The following SLC16A10 variants were observed in gnomAD, a reference collection of about 807,000 sequenced individuals.
SLC16A10 encodes the protein monocarboxylate transporter 10.
A neutral mutation model predicts 40.0 loss-of-function variants in SLC16A10; 27 were observed. The ratio of observed to expected loss-of-function variants is 0.67; its 90% CI spans 0.50 to 0.93. SLC16A10 has a LOEUF of 0.93. SLC16A10 is among the 40% of genes least tolerant of loss of function. The pLI is 0.00. For missense variants in SLC16A10, 529 were observed against 658.2 expected, an observed-to-expected ratio of 0.80 and a Z score of 2.15; for synonymous variants, 213 against 249.8, an observed-to-expected ratio of 0.85 and a Z score of 1.39.
intron 3 of SLC16A10, among the ~76,000 whole-genome samples, chr6:111,184,381 A>T (rs1424537249): frequency 6.6e-6 from 1 of 152,224 alleles, no homozygotes; most frequent in African/African-American, 2.4e-5. Context: ...TTGACCTGGT[A>T]GGAAGATCCC....
At position 111,159,067 on chromosome 6, in the gene SLC16A10, C is replaced by CAAAAAAA. The variant is rs548809670; in HGVS notation, c.344-13605_344-13599dup. On this transcript the variant is annotated intron_variant, in intron 1 of 5. Coordinates refer to ENST00000368851, the MANE Select transcript of SLC16A10 (RefSeq NM_018593.5). ...TAGGTGGCAAAGCAAGACCCTGACT[C>CAAAAAAA]AAAAAAAAAAAAAAAAAAAAAAAAA... Among the ~76,000 whole-genome samples, 114 of 23,398 alleles carry CAAAAAAA rather than the reference C, an allele frequency of 4.9e-3. 6 individuals carry two copies. Among genetic ancestry groups the CAAAAAAA allele is most frequent in the Non-Finnish European group, 6.6e-3 (82 of 12,346 alleles). The allele number at this position is 23,398 out of a possible 152,430, so 15.3% of individuals were successfully genotyped here.
At chr6:111,193,874 T>C (rs1773036831) in intron 3 of SLC16A10, among the ~76,000 whole-genome samples, 1 of 152,198 alleles carries the variant, frequency 6.6e-6, no homozygotes, top group South Asian at 2.1e-4. Context: ...TTGGGTAATA[T>C]AGTCTATGTA....
intron 1 of SLC16A10, among the ~76,000 whole-genome samples, chr6:111,159,560 T>C (rs1309620389): frequency 6.6e-6 from 1 of 152,064 alleles, no homozygotes; most frequent in African/African-American, 2.4e-5. Context: ...CTTTCTGTTT[T>C]TTTGACTATT....
intron 1 of SLC16A10, among the ~76,000 whole-genome samples, chr6:111,132,321 G>A (rs1771799199): frequency 6.6e-6 from 1 of 152,184 alleles, no homozygotes; most frequent in Admixed American, 6.5e-5. Flanking sequence ...AAAAGCCAGA[G>A]TAAATTTAAA....
rs952254120 is a variant in SLC16A10 at position 111,227,142 on chromosome 6, A to T, written c.*4907A>T. ...CCTTGTCTACAAAAAGGAAAAAAAA[A>T]TTTGTTCTGCTCTACTATACATGCT... On this transcript the variant is annotated 3_prime_UTR_variant, in exon 6 of 6. Transcript: ENST00000368851. 1.3e-5 allele frequency: 2 copies of T among 152,180 alleles called. No homozygotes were observed. The highest frequency in any genetic ancestry group is 2.9e-5 in the Non-Finnish European group (2 of 68,072). 9.4% of individuals were successfully genotyped at this position (152,180 alleles called of 1,614,324 possible).
In SLC16A10 at chr6:111,087,797, C is replaced by G; in HGVS notation, c.45C>G (p.Ser15Arg). 1 of 1,261,840 alleles carries G rather than the reference C, an allele frequency of 7.9e-7. No individual in the cohort carries two copies. 78.2% of individuals were successfully genotyped at this position (1,261,840 alleles called of 1,614,324 possible). Residue 15 changes from serine (S) to arginine (R), a missense_variant, in exon 1 of 6, where the codon AGC becomes AGG. By Grantham distance (110) the Ser-to-Arg change is moderately radical. Coordinates refer to ENST00000368851, the MANE Select transcript of SLC16A10 (RefSeq NM_018593.5). ...AGCCGGACTCCGCGCGGGGCACGAG[C>G]GAGGCGCAGCCGCTCGGCCCCGCGC... ...QEEPDSARGT[S>R]EAQPLGPAPT... is the part of the protein sequence containing the mutation.
intron 3 of SLC16A10, among the ~76,000 whole-genome samples, chr6:111,189,418 ATCCAACTTATTTTTAATT>A (rs1562427149): frequency 2.4e-4 from 36 of 152,206 alleles, no homozygotes; most frequent in Non-Finnish European, 4.4e-5. Flanking sequence ...GGATTTTTTT[ATCCAACTTATTTTTAATT>A]GATGTATTAT....
At chr6:111,103,385 T>C (rs989085763) in intron 1 of SLC16A10, among the ~76,000 whole-genome samples, 1 of 152,124 alleles carries the variant, frequency 6.6e-6, no homozygotes, top group Non-Finnish European at 1.5e-5. Flanking sequence ...ACCTGGCTAA[T>C]TTTTGTATTT....
At chr6:111,165,918 T>C (rs984273705) in intron 1 of SLC16A10, among the ~76,000 whole-genome samples, 1 of 152,156 alleles carries the variant, frequency 6.6e-6, no homozygotes, top group African/African-American at 2.4e-5. Context: ...GGTTACAAGG[T>C]CAAGCTCCCA....
intron 1 of SLC16A10, among the ~76,000 whole-genome samples, chr6:111,149,220 C>T (rs565941483): frequency 3.3e-5 from 5 of 152,266 alleles, no homozygotes; most frequent in Non-Finnish European, 7.4e-5. Context: ...TCCCTGGTCC[C>T]CCAACCACCC....
chr6:111,189,806 C>T (rs1562427301), intron 3 of SLC16A10, among the ~76,000 whole-genome samples: 1 of 152,176 alleles, frequency 6.6e-6, no homozygotes, highest in Non-Finnish European at 1.5e-5. Flanking sequence ...TTACCTCCCA[C>T]CAGCTTGCTC....
intron 1 of SLC16A10, among the ~76,000 whole-genome samples, chr6:111,125,416 A>C (rs1187824090): frequency 6.6e-6 from 1 of 152,180 alleles, no homozygotes. Context: ...GGTGATCCGG[A>C]AAACCAGGAC....
chr6:111,125,747 A>G (rs1351956888), intron 1 of SLC16A10, among the ~76,000 whole-genome samples: 1 of 152,152 alleles, frequency 6.6e-6, no homozygotes, highest in East Asian at 1.9e-4. Context: ...ACTGCCTTAA[A>G]CCTTCTGGTG....
intron 1 of SLC16A10, among the ~76,000 whole-genome samples, chr6:111,098,425 G>C (rs569530678): frequency 2.2e-4 from 33 of 152,256 alleles, no homozygotes; most frequent in African/African-American, 7.7e-4. Context: ...ACATTAAAAA[G>C]TGTAGTAAAA....
At chr6:111,090,640 C>T (rs1181561939) in intron 1 of SLC16A10, among the ~76,000 whole-genome samples, 1 of 152,234 alleles carries the variant, frequency 6.6e-6, no homozygotes, top group Non-Finnish European at 1.5e-5. Flanking sequence ...TGCACACACA[C>T]ACACACAAAG....
chr6:111,127,870 G>A (rs1384650787), intron 1 of SLC16A10, among the ~76,000 whole-genome samples: 2 of 152,144 alleles, frequency 1.3e-5, no homozygotes, highest in Admixed American at 1.3e-4. Context: ...AAGTAGTGGG[G>A]GTTAGGAGAA....
chr6:111,171,891 C>T (rs889259575), intron 1 of SLC16A10, among the ~76,000 whole-genome samples: 1 of 150,632 alleles, frequency 6.6e-6, no homozygotes, highest in Non-Finnish European at 1.5e-5. Flanking sequence ...ATATGAAACT[C>T]ATTTCTAGAA....
intron 1 of SLC16A10, among the ~76,000 whole-genome samples, chr6:111,111,751 G>A (rs909732065): frequency 4.6e-5 from 7 of 152,128 alleles, no homozygotes; most frequent in Non-Finnish European, 5.9e-5. Flanking sequence ...CAGTGAGGTC[G>A]TGTAAGTATT....
intron 1 of SLC16A10, among the ~76,000 whole-genome samples, chr6:111,126,852 G>A (rs556915393): frequency 1.3e-5 from 2 of 152,138 alleles, no homozygotes; most frequent in African/African-American, 2.4e-5. Context: ...GAGTGATGGT[G>A]CAGCAACTTA....
Sources: gnomAD v4.1 joint callset for allele counts (sites outside exome capture counted in the v4.1 genomes callset) on GRCh38, gnomAD v4.1.1 for gene constraint, MANE v1.5 for transcripts, NCBI Gene and HGNC (gene_info 2026-07-23, HGNC 2026-07-21) for gene names.